The following ADGRE2 variants were observed in gnomAD, a reference collection of about 807,000 sequenced individuals.
ADGRE2 encodes the protein adhesion G protein-coupled receptor E2.
Under a neutral mutation model 100.8 loss-of-function variants are expected in ADGRE2, and 83 were observed. The ratio of observed to expected loss-of-function variants is 0.82; its 90% CI spans 0.69 to 0.99. The LOEUF (loss-of-function observed/expected upper bound fraction) is 0.99, where lower values mean the gene tolerates loss of function less well. Among genes scored for constraint, ADGRE2 ranks in the 50% least tolerant of loss-of-function variants. ADGRE2 has a pLI of 0.00. For synonymous variants in ADGRE2, 355 were observed against 413.0 expected (o/e 0.86, Z 1.70); for missense variants, 814 against 1,035.7 (o/e 0.79, Z 2.94).
At chr19:14,730,652 G>T (rs1054912979), downstream of ADGRE2, among the ~76,000 whole-genome samples, 2 of 152,018 alleles carry the variant, frequency 1.3e-5, no homozygotes, top group African/African-American at 2.4e-5. Flanking sequence ...TATCAACAGT[G>T]ATTTTTTTAA....
chr19:14,727,102 A>G, the ADGRE2 span, among the ~76,000 whole-genome samples: 1 of 134,478 alleles, frequency 7.4e-6, no homozygotes, highest in Non-Finnish European at 1.5e-5. Flanking sequence ...ATCTTGGCTC[A>G]CTACAAGCTC....
At chr19:14,766,411 G>A in intron 6 of ADGRE2, 30 bp from the exon 7 acceptor site, 1 of 1,586,096 alleles carries the variant, frequency 6.3e-7, no homozygotes, top group Non-Finnish European at 8.6e-7. Context: ...GTCAAACCCT[G>A]TCCCTGACCA....
the ADGRE2 span, among the ~76,000 whole-genome samples, chr19:14,725,554 A>G: frequency 6.6e-6 from 1 of 152,178 alleles, no homozygotes; most frequent in African/African-American, 2.4e-5. Flanking sequence ...AAGACATGTT[A>G]TTTACTTCCA....
downstream of ADGRE2, chr19:14,731,459 C>G (rs1009270222): frequency 2.0e-6 from 1 of 488,858 alleles, no homozygotes; most frequent in South Asian, 3.0e-5. Flanking sequence ...CTTTGTTTCC[C>G]CAGCCGTGCA....
intron 13 of ADGRE2, 148 bp downstream of exon 13, chr19:14,755,506 T>C: frequency 1.4e-6 from 1 of 727,798 alleles, no homozygotes; most frequent in Admixed American, 2.4e-5. Context: ...CAGAAATGCT[T>C]ACCCAAAGCC....
chr19:14,778,113 A>G (rs2044497039), intron 1 of ADGRE2, 144 bp downstream of exon 1: 1 of 152,206 alleles, frequency 6.6e-6, no homozygotes, highest in Admixed American at 6.5e-5. Context: ...TCCCACCAAC[A>G]GTGTAAAAGC....
intron 1 of ADGRE2, 39 bp from the exon 2 acceptor site, chr19:14,776,966 C>T: frequency 8.2e-7 from 1 of 1,222,748 alleles, no homozygotes; most frequent in Non-Finnish European, 1.1e-6. Context: ...AACACAGAAC[C>T]AGGGGCGCTG....
At chr19:14,777,476 T>A (rs918866639) in intron 1 of ADGRE2, among the ~76,000 whole-genome samples, 15 of 138,806 alleles carry the variant, frequency 1.1e-4, no homozygotes. Context: ...TCTTTCTTTT[T>A]AAATTAATTA....
downstream of ADGRE2, among the ~76,000 whole-genome samples, chr19:14,727,691 A>G (rs895547043): frequency 3.3e-5 from 5 of 151,672 alleles, no homozygotes; most frequent in Admixed American, 1.3e-4. Context: ...AAACTATATC[A>G]TGTACCTATT....
rs115182142 is a variant in ADGRE2, at chr19:14,770,121, G to A, written c.355+2221C>T. On this transcript the variant is annotated intron_variant, in intron 5 of 20. Transcript: ENST00000315576. ...ATCTCACGTTGAAATGTGATCCCCA[G>A]TGTTGGAGATGGAGCCTCGTGGGAG... Among the ~76,000 whole-genome samples, 866 of 152,216 alleles carry A rather than the reference G, an allele frequency of 5.7e-3. 9 individuals carry two copies. Among genetic ancestry groups the A allele is most frequent in the African/African-American group, 0.02 (813 of 41,532 alleles).
chr19:14,746,554 G>C (rs906208280), intron 17 of ADGRE2, among the ~76,000 whole-genome samples: 1 of 151,838 alleles, frequency 6.6e-6, no homozygotes, highest in Admixed American at 6.6e-5. Context: ...GTAGAGACAG[G>C]GTTTCACCAT....
At chr19:14,729,210 C>T (rs2042652661), downstream of ADGRE2, among the ~76,000 whole-genome samples, 1 of 152,200 alleles carries the variant, frequency 6.6e-6, no homozygotes, top group Non-Finnish European at 1.5e-5. Flanking sequence ...TTGCATCCTA[C>T]AGTCAGGGTT....
chr19:14,761,575 A>G (rs1399509840), intron 11 of ADGRE2, among the ~76,000 whole-genome samples: 1 of 152,048 alleles, frequency 6.6e-6, no homozygotes, highest in Non-Finnish European at 1.5e-5. Flanking sequence ...TTTTCTAACA[A>G]AGAGCAGCCT....
intron 15 of ADGRE2, 117 bp downstream of exon 15, chr19:14,752,212 C>A: frequency 1.5e-6 from 2 of 1,303,410 alleles, no homozygotes; most frequent in East Asian, 2.5e-5. Context: ...GGATTACAGG[C>A]ATGAGCCACC....
chr19:14,734,668 C>G lies in ADGRE2; in HGVS notation c.*1568G>C, dbSNP rs900690125. On this transcript the variant is annotated 3_prime_UTR_variant, in exon 21 of 21. Coordinates refer to ENST00000315576, the MANE Select transcript of ADGRE2 (RefSeq NM_013447.4). ...TCTTGAACTCCTGACCTTAGGTGAT[C>G]TGACCACCTCAGCCTCCCAAAGTGC... The G allele has an allele frequency of 6.6e-6, 1 of 152,234 alleles. No homozygotes were observed. Among genetic ancestry groups the G allele is most frequent in the African/African-American group, 2.4e-5 (1 of 41,450 alleles). The allele number at this position is 152,234 out of a possible 1,614,324, so 9.4% of individuals were successfully genotyped here.
At chr19:14,729,126 G>C (rs1323895281), downstream of ADGRE2, among the ~76,000 whole-genome samples, 2 of 152,124 alleles carry the variant, frequency 1.3e-5, no homozygotes, top group Non-Finnish European at 2.9e-5. Context: ...GCTGTTTATA[G>C]TAACTTGGGG....
chr19:14,769,729 C>T (rs900738443), intron 5 of ADGRE2, among the ~76,000 whole-genome samples: 6 of 152,198 alleles, frequency 3.9e-5, no homozygotes, highest in African/African-American at 4.8e-5. Context: ...GACGGAGTCT[C>T]GCTCTGTCGT....
In ADGRE2 at chr19:14,736,224, CAGA is replaced by C; in HGVS notation, c.*9_*11del. The stretch of plus-strand genomic sequence containing the variant: ...ACGGGCAAAGAGGGAAGATCTTATT[CAGA>C]AGATTTTTCTAGTTAACCTGAAATA... On this transcript the variant is annotated 3_prime_UTR_variant, in exon 21 of 21. Coordinates refer to ENST00000315576, the MANE Select transcript of ADGRE2 (RefSeq NM_013447.4). 1.3e-6 allele frequency: 2 copies of C among 1,584,160 alleles called. No homozygotes were observed. Among genetic ancestry groups the C allele is most frequent in the Non-Finnish European group, 1.7e-6 (2 of 1,153,732 alleles).
At chr19:14,724,344 C>G in the ADGRE2 span, among the ~76,000 whole-genome samples, 1 of 152,342 alleles carries the variant, frequency 6.6e-6, no homozygotes, top group East Asian at 1.9e-4. Flanking sequence ...GCTTCTCTTA[C>G]TGATTCACTT....
Sources: allele counts gnomAD v4.1 joint callset (sites outside exome capture counted in the v4.1 genomes callset), GRCh38; gene constraint gnomAD v4.1.1; transcripts MANE v1.5; gene names NCBI Gene and HGNC (gene_info 2026-07-23, HGNC 2026-07-21).